Variants in RALGPS1 observed in about 807,000 individuals in gnomAD.
RALGPS1 encodes ras-specific guanine nucleotide-releasing factor RalGPS1.
In RALGPS1, 19 loss-of-function variants were observed where a neutral mutation model predicts 78.8. The ratio of observed to expected loss-of-function variants is 0.24; its 90% CI spans 0.17 to 0.35. The LOEUF (loss-of-function observed/expected upper bound fraction) is 0.35. Among genes scored for constraint, RALGPS1 ranks in the 10% least tolerant of loss-of-function variants. The pLI, the probability that RALGPS1 is intolerant of heterozygous loss-of-function variation, is 1.00. For missense variants in RALGPS1, 454 were observed against 688.3 expected (o/e 0.66, Z 3.81); for synonymous variants, 228 against 256.3 (o/e 0.89, Z 1.06).
intron 4 of RALGPS1, chr9:126,977,949 T>G (rs1312888551): frequency 4.5e-6 from 2 of 445,412 alleles, no homozygotes; most frequent in Non-Finnish European, 7.9e-6. Context: ...CCGTCTGGCC[T>G]ACTCTGGCAG....
intron 4 of RALGPS1, among the ~76,000 whole-genome samples, chr9:127,002,038 C>A (rs1279368925): frequency 1.3e-5 from 2 of 152,124 alleles, no homozygotes; most frequent in Non-Finnish European, 2.9e-5. Context: ...TAACTCAATG[C>A]ATTTTTACAA....
chr9:126,971,554 T>C (rs1427819349), intron 3 of RALGPS1, among the ~76,000 whole-genome samples: 1 of 152,158 alleles, frequency 6.6e-6, no homozygotes, highest in African/African-American at 2.4e-5. Context: ...AGCCAAAGAA[T>C]TTATAATATA....
At chr9:126,928,828 C>T (rs1327495529) in intron 1 of RALGPS1, among the ~76,000 whole-genome samples, 1 of 152,150 alleles carries the variant, frequency 6.6e-6, no homozygotes, top group Admixed American at 6.5e-5. Context: ...TCACAAACTC[C>T]TGACCTCAGG....
At position 127,133,820 on chromosome 9, in the gene RALGPS1, C is replaced by CAA. The variant is rs752518432; in HGVS notation, c.611-32248_611-32247insAA. 9.7e-4 allele frequency among the ~76,000 whole-genome samples: 148 copies of CAA among 152,212 alleles called. 2 individuals carry two copies. The highest frequency in any genetic ancestry group is 4.7e-4 in the Non-Finnish European group (32 of 67,996). On this transcript the variant is annotated intron_variant, in intron 8 of 18. Coordinates refer to ENST00000259351, the MANE Select transcript of RALGPS1 (RefSeq NM_014636.3). ...GGCAAATCCCAGCTGACACCCCAGACACTCGGCCTATTTTGGGCCTGGTCT... is the reference window on the plus strand; with the variant it reads ...GGCAAATCCCAGCTGACACCCCAGACAAACTCGGCCTATTTTGGGCCTGGTCT...
rs1412907076 is a variant in RALGPS1, at chr9:126,977,614, T to G, written c.166-81T>G. On this transcript the variant is annotated intron_variant, in intron 3 of 18. Coordinates refer to ENST00000259351, the MANE Select transcript of RALGPS1 (RefSeq NM_014636.3). ...AAGGGGAAAGTATAACTTTTATGAG[T>G]GTATATGACTCTGTATAAAGTAACA... 3.3e-6 allele frequency: 3 copies of G among 911,070 alleles called. No homozygotes were observed. The East Asian group carries it at 8.4e-5, about 25-fold the overall frequency. 56.4% of individuals were successfully genotyped at this position (911,070 alleles called of 1,614,324 possible). A position where few individuals can be genotyped will look rare whatever the true frequency, so the allele number is the denominator to read the frequency against.
chr9:126,936,638 GA>G (rs1554757567), intron 1 of RALGPS1, among the ~76,000 whole-genome samples: 1 of 152,122 alleles, frequency 6.6e-6, no homozygotes, highest in Non-Finnish European at 1.5e-5. Flanking sequence ...CTATTAAAGG[GA>G]GAGGGCCCCA....
intron 1 of RALGPS1, among the ~76,000 whole-genome samples, chr9:126,929,869 C>T (rs2035638162): frequency 6.6e-6 from 1 of 150,716 alleles, no homozygotes; most frequent in African/African-American, 2.4e-5. Flanking sequence ...GAGATGGAGT[C>T]TTGCTCTGTT....
chr9:126,977,272 G>A (rs1393627427), intron 3 of RALGPS1, among the ~76,000 whole-genome samples: 2 of 152,176 alleles, frequency 1.3e-5, no homozygotes, highest in Admixed American at 1.3e-4. Flanking sequence ...GCTTTAAAAT[G>A]AACTTAATTT....
chr9:126,941,130 G>GCT (rs1554759010), intron 1 of RALGPS1, among the ~76,000 whole-genome samples: 10 of 150,154 alleles, frequency 6.7e-5, no homozygotes, highest in African/African-American at 2.5e-4. Flanking sequence ...TCTCATATAC[G>GCT]CCCCCCCCCT....
chr9:127,209,074 C>T (rs1275506687), intron 14 of RALGPS1, among the ~76,000 whole-genome samples: 5 of 152,224 alleles, frequency 3.3e-5, no homozygotes, highest in African/African-American at 1.2e-4. Flanking sequence ...TGGAATCCAG[C>T]CCAGGTGAGG....
chr9:127,075,037 G>T (rs1031370501), intron 8 of RALGPS1, among the ~76,000 whole-genome samples: 1 of 152,252 alleles, frequency 6.6e-6, no homozygotes, highest in East Asian at 1.9e-4. Context: ...TGGTCAGCCT[G>T]TGCCAGCCTT....
chr9:126,958,571 T>C (rs557587223), intron 1 of RALGPS1, among the ~76,000 whole-genome samples: 47 of 152,310 alleles, frequency 3.1e-4, no homozygotes, highest in Admixed American at 1.4e-3. Flanking sequence ...TTAAGGTTTG[T>C]TGGTGAAGTG....
chr9:127,101,184 T>G (rs1228161867), intron 8 of RALGPS1, among the ~76,000 whole-genome samples: 16 of 152,230 alleles, frequency 1.1e-4, no homozygotes. Flanking sequence ...GTAAGAATGG[T>G]GATGATCATG....
chr9:127,020,716 G>A (rs1246430735), intron 4 of RALGPS1, among the ~76,000 whole-genome samples: 1 of 152,224 alleles, frequency 6.6e-6, no homozygotes, highest in Non-Finnish European at 1.5e-5. Flanking sequence ...GTGCATGTGT[G>A]TGCCCCTGCA....
rs955933 is a variant in RALGPS1, at chr9:127,151,427, A to G, written c.611-14642A>G. Among the ~76,000 whole-genome samples the G allele has an allele frequency of 4.6e-5, 7 of 152,142 alleles. No homozygotes were observed. In the East Asian group the frequency reaches 5.8e-4, roughly 13 times the overall value. On this transcript the variant is annotated intron_variant, in intron 8 of 18. Transcript: ENST00000259351. ...ATTGACATATCATCAGATGTCCACTAATATTTCATGGGTAAACAATCCTTC... is the reference window on the plus strand; with the variant it reads ...ATTGACATATCATCAGATGTCCACTGATATTTCATGGGTAAACAATCCTTC...
intron 8 of RALGPS1, among the ~76,000 whole-genome samples, chr9:127,138,142 G>T (rs1012764419): frequency 2.6e-5 from 4 of 152,158 alleles, no homozygotes; most frequent in Non-Finnish European, 5.9e-5. Flanking sequence ...AGGCCTCCCC[G>T]GGTAGCGAAC....
chr9:127,011,868 A>G (rs2044376274), intron 4 of RALGPS1, among the ~76,000 whole-genome samples: 1 of 152,140 alleles, frequency 6.6e-6, no homozygotes, highest in African/African-American at 2.4e-5. Flanking sequence ...GCCTGTAAAT[A>G]CTTGGGTTTG....
rs375311993 is a variant in RALGPS1 at position 127,035,247 on chromosome 9, A to G, written c.300+733A>G. Among the ~76,000 whole-genome samples, 5 of 152,286 alleles carry G rather than the reference A, an allele frequency of 3.3e-5. No homozygotes were observed. In the East Asian group the frequency reaches 9.6e-4, roughly 29 times the overall value. On this transcript the variant is annotated intron_variant, in intron 5 of 18. Transcript: ENST00000259351. ...GAGGTGCTCAGGAAGTACCTTTTAA[A>G]TTGAATTTTCTTGAATTCCTGATGG...
At position 127,173,658 on chromosome 9, in the gene RALGPS1, C is replaced by T. The variant is rs540777445; in HGVS notation, c.843-1057C>T. Among the ~76,000 whole-genome samples the T allele has an allele frequency of 1.4e-4, 21 of 152,294 alleles. No individual in the cohort carries two copies. In the East Asian group the frequency reaches 2.5e-3, roughly 18 times the overall value. On this transcript the variant is annotated intron_variant, in intron 10 of 18. Coordinates refer to ENST00000259351, the MANE Select transcript of RALGPS1 (RefSeq NM_014636.3). ...GAAGGGCCAGTCCTCATAGCATGTC[C>T]GTTGCCTTGTGCCTCTCTAAGGGCA...
Sources: gnomAD v4.1 joint callset for allele counts (sites outside exome capture counted in the v4.1 genomes callset) on GRCh38, gnomAD v4.1.1 for gene constraint, MANE v1.5 for transcripts, NCBI Gene and HGNC (gene_info 2026-07-23, HGNC 2026-07-21) for gene names.